The following RAD54B variants were observed in gnomAD, a reference collection of about 807,000 sequenced individuals.
RAD54B encodes the protein RAD54 homolog B.
In RAD54B, 78 loss-of-function variants were observed where a neutral mutation model predicts 95.8. The observed-to-expected ratio is 0.81, with a 90% CI of 0.68 to 0.98. The LOEUF (loss-of-function observed/expected upper bound fraction) is 0.98. Among genes scored for constraint, RAD54B ranks in the 50% least tolerant of loss-of-function variants. The probability of loss-of-function intolerance (pLI) is 0.00; values close to 1 mark genes in which losing one functional copy is unlikely to be tolerated. For synonymous variants in RAD54B, 328 were observed against 354.9 expected (o/e 0.92, Z 0.85); for missense variants, 957 against 1,056.6 (o/e 0.91, Z 1.31).
chr8:94,473,154 A>T (rs1339370311), intron 1 of RAD54B, among the ~76,000 whole-genome samples: 1 of 152,148 alleles, frequency 6.6e-6, no homozygotes, highest in African/African-American at 2.4e-5. Context: ...GTCCATAATA[A>T]ATTAATTAAT....
At chr8:94,407,935 GA>G (rs911703583) in intron 4 of RAD54B, among the ~76,000 whole-genome samples, 93 of 152,108 alleles carry the variant, frequency 6.1e-4, no homozygotes, top group African/African-American at 2.1e-3. Flanking sequence ...GAGAAAGCAA[GA>G]ATTTTTTTAC....
intron 3 of RAD54B, among the ~76,000 whole-genome samples, chr8:94,440,351 G>A (rs1441292418): frequency 6.6e-6 from 1 of 152,134 alleles, no homozygotes; most frequent in Non-Finnish European, 1.5e-5. Flanking sequence ...AAAATAGAAT[G>A]GACAAGTTTT....
intron 3 of RAD54B, among the ~76,000 whole-genome samples, chr8:94,412,650 A>C: frequency 6.6e-6 from 1 of 152,130 alleles, no homozygotes; most frequent in East Asian, 1.9e-4. Context: ...AACCATGGAA[A>C]CTATCAAAAC....
At chr8:94,467,586 A>G in intron 1 of RAD54B, 31 bp from the exon 2 acceptor site, 3 of 1,572,218 alleles carry the variant, frequency 1.9e-6, no homozygotes, top group South Asian at 1.2e-5. Flanking sequence ...TTAACTATCC[A>G]CGAATCTAAT....
At chr8:94,393,419 A>G (rs991029518) in intron 9 of RAD54B, 11 of 236,470 alleles carry the variant, frequency 4.7e-5, no homozygotes, top group Non-Finnish European at 8.9e-5. Flanking sequence ...GGCAACGCAG[A>G]GTGACACCAT....
chr8:94,410,052 T>A (rs1419810678), intron 4 of RAD54B, among the ~76,000 whole-genome samples: 1 of 152,192 alleles, frequency 6.6e-6, no homozygotes, highest in Non-Finnish European at 1.5e-5. Flanking sequence ...TTGCTTCAAC[T>A]CTTAACACTG....
chr8:94,401,474 T>C, intron 6 of RAD54B, among the ~76,000 whole-genome samples: 1 of 152,238 alleles, frequency 6.6e-6, no homozygotes, highest in East Asian at 1.9e-4. Context: ...TCTGGCTTTC[T>C]TGTAAAAATA....
At chr8:94,437,305 C>T (rs547666924) in intron 3 of RAD54B, among the ~76,000 whole-genome samples, 1 of 152,286 alleles carries the variant, frequency 6.6e-6, no homozygotes, top group African/African-American at 2.4e-5. Context: ...CTGTTTTGTG[C>T]TATTTATTTA....
rs1388705010 is a variant in RAD54B, at chr8:94,411,121, C to T, written c.499G>A (p.Gly167Ser). Residue 167 changes from glycine (G) to serine (S), a missense_variant and splice_region_variant, in exon 4 of 15, where the codon GGC (glycine) becomes AGC (serine). Transcript: ENST00000336148. ...TAAACATTAGGTAGTATCATAATAC[C>T]TCTTCCAATGTCTTTGCCTTCCAAA... ...KNLEGKDIGR[G>S]IGYKFKELEK... 1.3e-6 allele frequency: 2 copies of T among 1,596,912 alleles called. No individual in the cohort carries two copies. The highest frequency in any genetic ancestry group is 2.7e-5 in the African/African-American group (2 of 73,950).
chr8:94,415,856 A>G (rs1268490810), intron 3 of RAD54B, among the ~76,000 whole-genome samples: 1 of 151,750 alleles, frequency 6.6e-6, no homozygotes, highest in African/African-American at 2.4e-5. Flanking sequence ...ATCATTAAAA[A>G]GTCAGGAAAC....
chr8:94,429,815 A>ATTAC, intron 3 of RAD54B: 1 of 985,412 alleles, frequency 1.0e-6, no homozygotes, highest in South Asian at 4.7e-5. Flanking sequence ...AACCAATGAA[A>ATTAC]TTAAGTAGTC....
At chr8:94,412,688 AATT>A (rs1281180472) in intron 3 of RAD54B, among the ~76,000 whole-genome samples, 1 of 152,144 alleles carries the variant, frequency 6.6e-6, no homozygotes. Context: ...AAAATGAAGT[AATT>A]TTTTTTCCTT....
intron 1 of RAD54B, among the ~76,000 whole-genome samples, chr8:94,471,447 A>G (rs1251842389): frequency 2.0e-5 from 3 of 152,228 alleles, no homozygotes; most frequent in Non-Finnish European, 2.9e-5. Context: ...AAGGAGCATG[A>G]GAGAACTTGT....
Position 94,431,518 on chromosome 8 carries a change from G to T in RAD54B, c.305-20203C>A, listed in dbSNP as rs76137066. 1.4e-3 allele frequency: 1,415 copies of T among 979,682 alleles called. 58 individuals carry two copies. In the East Asian group the frequency reaches 0.092, roughly 64 times the overall value. The allele number at this position is 979,682 out of a possible 1,614,324, so 60.7% of individuals were successfully genotyped here. A position where few individuals can be genotyped will look rare whatever the true frequency, so the allele number is the denominator to read the frequency against. ...AATAGCGGGATGGAAATTACACAAA[G>T]AAAAACTAAGTGCTGGTCTCTGCTC... On this transcript the variant is annotated intron_variant, in intron 3 of 14. Coordinates refer to ENST00000336148, the MANE Select transcript of RAD54B (RefSeq NM_012415.3).
At position 94,411,226 on chromosome 8, in the gene RAD54B, T is replaced by TA. The variant is rs751513606; in HGVS notation, c.393dup (p.Lys132Ter). 1.4e-5 allele frequency: 23 copies of TA among 1,612,338 alleles called. 1 individual carries two copies. The highest frequency in any genetic ancestry group is 1.1e-4 in the South Asian group (10 of 90,832). ...TTTTTATGTTTTTTCTTTGAAGGCT[T>TA]ACACCAAACAACACTGAAATATTTA... On this transcript the variant is annotated frameshift_variant, in exon 4 of 15. Coordinates refer to ENST00000336148, the MANE Select transcript of RAD54B (RefSeq NM_012415.3). LOFTEE classifies it high-confidence loss of function.
chr8:94,376,223 AT>A (rs1241331117), intron 14 of RAD54B, among the ~76,000 whole-genome samples: 3 of 152,186 alleles, frequency 2.0e-5, no homozygotes, highest in Non-Finnish European at 4.4e-5. Flanking sequence ...ATGTAGTTCT[AT>A]TTCTGACTAC....
intron 10 of RAD54B, among the ~76,000 whole-genome samples, chr8:94,390,497 T>C (rs932084100): frequency 1.5e-4 from 23 of 149,812 alleles, no homozygotes; most frequent in African/African-American, 5.6e-4. Flanking sequence ...CAAGACTTCA[T>C]CTCAAAAAAT....
In RAD54B at chr8:94,377,545, GAAAAAAAAAAA is replaced by G. The variant is rs71273330; in HGVS notation, c.2515+624_2515+634del. On this transcript the variant is annotated intron_variant, in intron 14 of 14. Transcript: ENST00000336148. ...AGCAACAGAGCCAGACCCTGTCTTG[GAAAAAAAAAAA>G]AAAAAAAAAAAAAAAAAAAAAAAAA... is the stretch of plus-strand genomic sequence containing the variant. Among the ~76,000 whole-genome samples, 23 of 70,580 alleles carry G rather than the reference GAAAAAAAAAAA, an allele frequency of 3.3e-4. No homozygotes were observed. The East Asian group carries it at 5.2e-3, about 16-fold the overall frequency. The allele number at this position is 70,580 out of a possible 152,430, so 46.3% of individuals were successfully genotyped here.
At chr8:94,467,268 CA>C (rs1028188427) in intron 2 of RAD54B, 136 bp downstream of exon 2, 5 of 771,308 alleles carry the variant, frequency 6.5e-6, no homozygotes, top group Non-Finnish European at 3.9e-6. Flanking sequence ...TCTTCATTTC[CA>C]AGGTTTTTAG....
Sources: allele counts gnomAD v4.1 joint callset (sites outside exome capture counted in the v4.1 genomes callset), GRCh38; gene constraint gnomAD v4.1.1; transcripts MANE v1.5; gene names NCBI Gene and HGNC (gene_info 2026-07-23, HGNC 2026-07-21).